Variants in TMC1 observed in about 807,000 individuals in gnomAD.
The protein encoded by TMC1 is transmembrane channel like 1, also known as transmembrane channel-like protein 1.
TMC1 carries 84 observed loss-of-function variants against 105.8 expected under a neutral mutation model. The observed-to-expected ratio is 0.79, with a 90% CI of 0.67 to 0.95. The LOEUF (loss-of-function observed/expected upper bound fraction) is 0.95, where lower values mean the gene tolerates loss of function less well. TMC1 is among the 40% of genes least tolerant of loss of function. TMC1 has a pLI of 0.00. For synonymous variants in TMC1, 315 were observed against 311.5 expected (o/e 1.01, Z -0.12); for missense variants, 817 against 914.1 (o/e 0.89, Z 1.37).
chr9:72,601,262 T>G (rs111697784), intron 2 of TMC1, among the ~76,000 whole-genome samples: 17,178 of 151,630 alleles, frequency 0.11, 1,121 homozygotes, highest in Non-Finnish European at 0.16. Context: ...TCCCAGCTAC[T>G]TGGGAGGCTG....
chr9:72,697,641 A>T (rs1050820143), intron 7 of TMC1, among the ~76,000 whole-genome samples: 1 of 152,138 alleles, frequency 6.6e-6, no homozygotes, highest in African/African-American at 2.4e-5. Context: ...TGGCAAATCC[A>T]CACATCAAAT....
intron 17 of TMC1, among the ~76,000 whole-genome samples, chr9:72,793,257 C>T (rs1282616065): frequency 6.6e-6 from 1 of 152,166 alleles, no homozygotes; most frequent in Non-Finnish European, 1.5e-5. Context: ...AGAAAAGGGG[C>T]TGAATCCAGT....
chr9:72,810,857 A>C (rs1828691401), intron 18 of TMC1, among the ~76,000 whole-genome samples: 1 of 152,208 alleles, frequency 6.6e-6, no homozygotes, highest in African/African-American at 2.4e-5. Flanking sequence ...CATGTACATA[A>C]GTATCTTCAT....
At chr9:72,690,366 T>A (rs1015297758) in intron 6 of TMC1, among the ~76,000 whole-genome samples, 22 of 152,258 alleles carry the variant, frequency 1.4e-4, no homozygotes, top group Admixed American at 1.4e-3. Context: ...GTTACCAATA[T>A]ACTGTCATTA....
At chr9:72,757,696 G>T (rs1005619844) in intron 12 of TMC1, among the ~76,000 whole-genome samples, 1 of 152,196 alleles carries the variant, frequency 6.6e-6, no homozygotes, top group Non-Finnish European at 1.5e-5. Flanking sequence ...GACCTGTCAC[G>T]TGAGGTGAGG....
intron 23 of TMC1, among the ~76,000 whole-genome samples, chr9:72,831,910 G>T (rs1291501870): frequency 6.6e-6 from 1 of 151,754 alleles, no homozygotes; most frequent in African/African-American, 2.4e-5. Flanking sequence ...GTGTGCATGT[G>T]TCTTTATAGC....
At chr9:72,822,256 G>T (rs1828886704) in intron 20 of TMC1, among the ~76,000 whole-genome samples, 1 of 152,164 alleles carries the variant, frequency 6.6e-6, no homozygotes, top group South Asian at 2.1e-4. Flanking sequence ...ACTGTAAAAA[G>T]CCATGTGAAT....
chr9:72,706,530 A>C (rs937259035), intron 8 of TMC1, among the ~76,000 whole-genome samples: 1 of 152,174 alleles, frequency 6.6e-6, no homozygotes, highest in Non-Finnish European at 1.5e-5. Context: ...TCACCTGAGC[A>C]GTATACACTG....
chr9:72,834,586 T>C (rs1019477682), intron 23 of TMC1, among the ~76,000 whole-genome samples: 2 of 152,114 alleles, frequency 1.3e-5, no homozygotes, highest in African/African-American at 4.8e-5. Flanking sequence ...GCCTGGCAAA[T>C]CTGTAGCACC....
At chr9:72,669,525 A>G (rs1243824084) in intron 5 of TMC1, among the ~76,000 whole-genome samples, 1 of 152,224 alleles carries the variant, frequency 6.6e-6, no homozygotes, top group African/African-American at 2.4e-5. Flanking sequence ...TATGACATCT[A>G]TCATAAACAT....
intron 2 of TMC1, among the ~76,000 whole-genome samples, chr9:72,591,280 T>C (rs1824635852): frequency 6.6e-6 from 1 of 152,144 alleles, no homozygotes; most frequent in Admixed American, 6.5e-5. Context: ...GGATTAGCAT[T>C]GAGTAGTAGT....
At chr9:72,800,976 C>T (rs766072168) in intron 17 of TMC1, among the ~76,000 whole-genome samples, 1 of 152,058 alleles carries the variant, frequency 6.6e-6, no homozygotes, top group Non-Finnish European at 1.5e-5. Context: ...AATATGCCTC[C>T]AAAAATAGTA....
intron 5 of TMC1, among the ~76,000 whole-genome samples, chr9:72,677,734 T>C (rs781314096): frequency 4.1e-4 from 62 of 152,188 alleles, no homozygotes; most frequent in Non-Finnish European, 6.9e-4. Flanking sequence ...TTTTTGACAA[T>C]ATGATTTTCT....
intron 12 of TMC1, among the ~76,000 whole-genome samples, chr9:72,766,900 A>C (rs926470330): frequency 1.2e-4 from 18 of 152,240 alleles, no homozygotes; most frequent in Admixed American, 8.5e-4. Context: ...GCAGAAGCCT[A>C]ATGGGTCTGG....
intron 1 of TMC1, among the ~76,000 whole-genome samples, chr9:72,544,119 T>A (rs562073808): frequency 2.8e-4 from 43 of 152,034 alleles, no homozygotes; most frequent in African/African-American, 9.9e-4. Context: ...CCTCAATAAT[T>A]TTTTGTATTT....
At chr9:72,582,151 T>G (rs1824486138) in intron 2 of TMC1, among the ~76,000 whole-genome samples, 1 of 152,266 alleles carries the variant, frequency 6.6e-6, no homozygotes, top group African/African-American at 2.4e-5. Flanking sequence ...GAGATGGGGT[T>G]TCTCCATCTT....
chr9:72,652,281 T>C (rs949526902), intron 5 of TMC1, among the ~76,000 whole-genome samples: 4 of 152,222 alleles, frequency 2.6e-5, no homozygotes, highest in African/African-American at 9.7e-5. Flanking sequence ...CTTGATTATT[T>C]GCAAGATATT....
chr9:72,568,274 G>C (rs932118811), intron 1 of TMC1, among the ~76,000 whole-genome samples: 1 of 152,136 alleles, frequency 6.6e-6, no homozygotes, highest in Non-Finnish European at 1.5e-5. Context: ...GACCTATAGA[G>C]AGCATGTATT....
At chr9:72,830,577 G>A (rs1235589224) in intron 22 of TMC1, 48 bp downstream of exon 22, 1 of 1,599,150 alleles carries the variant, frequency 6.3e-7, no homozygotes, top group African/African-American at 1.3e-5. Context: ...TTAATGTCAA[G>A]CAGTAGAAAA....
Sources: allele counts gnomAD v4.1 joint callset (sites outside exome capture counted in the v4.1 genomes callset), GRCh38; gene constraint gnomAD v4.1.1; transcripts MANE v1.5; gene names NCBI Gene and HGNC (gene_info 2026-07-23, HGNC 2026-07-21).